RNF150: variants seen among roughly 807,000 people sequenced by gnomAD.
RNF150 encodes the protein ring finger protein 150.
In RNF150, 24 loss-of-function variants were observed where a neutral mutation model predicts 39.3. That is an observed-to-expected ratio of 0.61 (90% CI 0.44 to 0.86). The LOEUF (loss-of-function observed/expected upper bound fraction) is 0.86, where lower values mean the gene tolerates loss of function less well. Among genes scored for constraint, RNF150 ranks in the 40% least tolerant of loss-of-function variants. The pLI is 0.00. For missense variants in RNF150, 502 were observed against 587.8 expected (o/e 0.85, Z 1.51); for synonymous variants, 255 against 227.3 (o/e 1.12, Z -1.10).
At position 141,132,329 on chromosome 4, in the gene RNF150, G is replaced by A; in HGVS notation, c.480C>T (p.His160=). Residue 160 remains histidine (H), a synonymous_variant, in exon 1 of 7, where the codon CAC becomes CAT. Transcript: ENST00000515673. The surrounding 1 kb of genome is among the most constrained non-coding windows in gnomAD (Gnocchi z 4.9). ...CGCGCCCGCTGGGCCACTCACCCGC[G>A]TGGGGCATGGTGATGGTCTCGTTGG... ...SNTNETITMP[H]AGVEDIVAIM... is the part of the protein sequence containing the mutation. The A allele has an allele frequency of 6.4e-7, 1 of 1,574,644 alleles. No homozygotes were observed. Among genetic ancestry groups the A allele is most frequent in the Non-Finnish European group, 8.6e-7 (1 of 1,160,070 alleles).
intron 1 of RNF150, among the ~76,000 whole-genome samples, chr4:141,169,170 C>T (rs1206492650): frequency 6.6e-6 from 1 of 152,126 alleles, no homozygotes; most frequent in Non-Finnish European, 1.5e-5. Context: ...CCCATCCCCT[C>T]TTGGTACTGT....
intron 1 of RNF150, among the ~76,000 whole-genome samples, chr4:141,002,495 C>A (rs1734701941): frequency 6.6e-6 from 1 of 152,190 alleles, no homozygotes; most frequent in South Asian, 2.1e-4. Context: ...TATAAACACT[C>A]ACTATTTCTG....
At chr4:141,052,307 T>C (rs1002239904) in intron 1 of RNF150, among the ~76,000 whole-genome samples, 1 of 152,192 alleles carries the variant, frequency 6.6e-6, no homozygotes, top group African/African-American at 2.4e-5. Flanking sequence ...TCCTCAACAT[T>C]GTAAATATTA....
At chr4:141,202,771 T>A (rs189635132) in intron 1 of RNF150, among the ~76,000 whole-genome samples, 67 of 151,956 alleles carry the variant, frequency 4.4e-4, no homozygotes, top group Non-Finnish European at 8.7e-4. Flanking sequence ...AAATGGAAAG[T>A]TATTCAATAT....
intron 1 of RNF150, among the ~76,000 whole-genome samples, chr4:141,202,843 T>C (rs184362468): frequency 6.6e-6 from 1 of 151,920 alleles, no homozygotes; most frequent in Non-Finnish European, 1.5e-5. Flanking sequence ...TAACAAACAA[T>C]ATTTTACTCT....
chr4:141,118,725 T>C (rs906865481), intron 1 of RNF150, among the ~76,000 whole-genome samples: 2 of 152,090 alleles, frequency 1.3e-5, no homozygotes, highest in Non-Finnish European at 1.5e-5. Context: ...GGGCTAAAGT[T>C]TGAGATACGT....
rs1726830907 is a variant in RNF150, at chr4:141,129,153, T to C, written c.484+3172A>G. ...CAAGAGAAATGTCCATACAAAAACT[T>C]GTACATGAATGTTCATAGCACTATT... is the stretch of plus-strand genomic sequence containing the variant. On this transcript the variant is annotated intron_variant, in intron 1 of 6. Transcript: ENST00000515673. 2.6e-5 allele frequency among the ~76,000 whole-genome samples: 4 copies of C among 152,176 alleles called. No individual in the cohort carries two copies. In the South Asian group the frequency reaches 6.2e-4, roughly 24 times the overall value.
At chr4:141,208,344 T>C (rs1428257521) in intron 1 of RNF150, among the ~76,000 whole-genome samples, 2 of 151,300 alleles carry the variant, frequency 1.3e-5, no homozygotes, top group Admixed American at 6.6e-5. Flanking sequence ...TTGATACCCA[T>C]AGGCAGAAAA....
upstream of RNF150, among the ~76,000 whole-genome samples, chr4:141,138,059 T>C (rs964572678): frequency 2.6e-5 from 4 of 152,196 alleles, no homozygotes; most frequent in Non-Finnish European, 4.4e-5. Context: ...TGTCAGCAAA[T>C]TGAACTTTCT....
At position 140,879,448 on chromosome 4, in the gene RNF150, C is replaced by T. The variant is rs558302108; in HGVS notation, c.1199-11069G>A. Among the ~76,000 whole-genome samples, 3 of 152,120 alleles carry T rather than the reference C, an allele frequency of 2.0e-5. No individual in the cohort carries two copies. In the East Asian group the frequency reaches 5.8e-4, roughly 29 times the overall value. On this transcript the variant is annotated intron_variant, in intron 6 of 6. Transcript: ENST00000515673. ...CAGTGTACAAGTCTTTCACCTTGTT[C>T]ATTAAGTTTATTCCTAAGTATTTTA...
intron 4 of RNF150, among the ~76,000 whole-genome samples, chr4:140,932,311 G>C (rs1731678983): frequency 6.6e-6 from 1 of 152,178 alleles, no homozygotes; most frequent in African/African-American, 2.4e-5. Context: ...AGTAATTAAT[G>C]AATGCTGACA....
At chr4:141,110,567 C>A (rs552754954) in intron 1 of RNF150, among the ~76,000 whole-genome samples, 2 of 139,160 alleles carry the variant, frequency 1.4e-5, no homozygotes, top group Non-Finnish European at 3.0e-5. Flanking sequence ...GTCCATGCCA[C>A]CACACCTAAT....
At chr4:141,000,646 A>G (rs1734630492) in intron 1 of RNF150, among the ~76,000 whole-genome samples, 1 of 151,634 alleles carries the variant, frequency 6.6e-6, no homozygotes, top group Non-Finnish European at 1.5e-5. Context: ...AACTGCCTAC[A>G]TTGATTTAGA....
At chr4:141,152,423 C>T (rs2111143146) in intron 1 of RNF150, among the ~76,000 whole-genome samples, 1 of 152,282 alleles carries the variant, frequency 6.6e-6, no homozygotes, top group South Asian at 2.1e-4. Context: ...TATGAACTAT[C>T]TGAATATTAT....
chr4:140,878,273 C>A (rs1729245469), intron 6 of RNF150, among the ~76,000 whole-genome samples: 1 of 131,356 alleles, frequency 7.6e-6, no homozygotes, highest in Non-Finnish European at 1.6e-5. Flanking sequence ...CAGGCTCAAG[C>A]AATTCTTGTG....
intron 1 of RNF150, among the ~76,000 whole-genome samples, chr4:141,196,876 G>T (rs558236294): frequency 8.6e-4 from 131 of 152,278 alleles, no homozygotes; most frequent in African/African-American, 3.0e-3. Flanking sequence ...TTAGAGACAA[G>T]TTCCAGAAAG....
chr4:141,132,681 A>T lies in RNF150; in HGVS notation c.128T>A (p.Phe43Tyr), dbSNP rs746046673. 6.2e-7 allele frequency: 1 copy of T among 1,607,640 alleles called. No homozygotes were observed. Residue 43 changes from phenylalanine (F) to tyrosine (Y), a missense_variant, in exon 1 of 7, where the codon TTC (phenylalanine) becomes TAC (tyrosine). Phe to Tyr is a conservative substitution (Grantham distance 22). Transcript: ENST00000515673. The surrounding 1 kb of genome is among the most constrained non-coding windows in gnomAD (Gnocchi z 4.9). ...GGGCTCGGCGTAGGTGATGTTCACG[A>T]AGGCGGTGTACCATTCCTCCTTCTC... ...VAEKEEWYTA[F>Y]VNITYAEPAP...
chr4:140,873,490 T>A (rs1429915630), intron 6 of RNF150, among the ~76,000 whole-genome samples: 1 of 152,146 alleles, frequency 6.6e-6, no homozygotes, highest in Non-Finnish European at 1.5e-5. Flanking sequence ...ATTTCCTCAT[T>A]TTCCTTTAAA....
intron 1 of RNF150, among the ~76,000 whole-genome samples, chr4:141,030,049 A>C (rs910164304): frequency 6.6e-6 from 1 of 152,038 alleles, no homozygotes; most frequent in African/African-American, 2.4e-5. Flanking sequence ...ACAAAAAATT[A>C]GCCAGGTGTG....
Sources: gnomAD v4.1 joint callset for allele counts (sites outside exome capture counted in the v4.1 genomes callset) on GRCh38, gnomAD v4.1.1 for gene constraint, Gnocchi (gnomAD v3.1) non-coding constraint, MANE v1.5 for transcripts, NCBI Gene and HGNC (gene_info 2026-07-23, HGNC 2026-07-21) for gene names.